The following MGAT5 variants were observed in gnomAD, a reference collection of about 807,000 sequenced individuals.
MGAT5 encodes the protein alpha-1,6-mannosylglycoprotein 6-beta-N-acetylglucosaminyltransferase.
MGAT5 carries 30 observed loss-of-function variants against 94.3 expected under a neutral mutation model. The observed-to-expected ratio is 0.32, with a 90% CI of 0.24 to 0.43. The LOEUF (loss-of-function observed/expected upper bound fraction) is 0.43. Among genes scored for constraint, MGAT5 ranks in the 20% least tolerant of loss-of-function variants. The pLI is 1.00. For missense variants in MGAT5, 691 were observed against 905.5 expected (o/e 0.76, Z 3.04); for synonymous variants, 310 against 322.9 (o/e 0.96, Z 0.43).
rs115935440 is a variant in MGAT5 at position 134,245,263 on chromosome 2, G to A, written c.-142-8999G>A. 6.6e-3 allele frequency among the ~76,000 whole-genome samples: 1,002 copies of A among 152,236 alleles called. 11 individuals carry two copies. The highest frequency in any genetic ancestry group is 0.022 in the African/African-American group (924 of 41,540). On this transcript the variant is annotated intron_variant, in intron 1 of 16. Coordinates refer to the MGAT5 transcript ENST00000409645. ...TCCCAACCTCGTGATCCGCCCCCTC[G>A]GCCTCCCAAAGTGCGGATTACAGGC...
intron 14 of MGAT5, among the ~76,000 whole-genome samples, chr2:134,433,673 G>GT (rs1464871839): frequency 6.6e-6 from 1 of 152,196 alleles, no homozygotes; most frequent in Non-Finnish European, 1.5e-5. Flanking sequence ...CACCTGAGGT[G>GT]TGCTAATCCA....
intron 1 of MGAT5, among the ~76,000 whole-genome samples, chr2:134,236,922 G>A (rs907629355): frequency 2.0e-5 from 3 of 152,296 alleles, no homozygotes; most frequent in African/African-American, 7.2e-5. Flanking sequence ...CAACTCTCTA[G>A]TTGGCCTCTT....
At chr2:134,206,355 A>T (rs917248934) in intron 1 of MGAT5, among the ~76,000 whole-genome samples, 4 of 152,230 alleles carry the variant, frequency 2.6e-5, no homozygotes, top group African/African-American at 9.6e-5. Context: ...CAGGATGCTG[A>T]TGTGAATAGT....
At chr2:134,279,237 G>A (rs990426991) in intron 2 of MGAT5, among the ~76,000 whole-genome samples, 1 of 152,122 alleles carries the variant, frequency 6.6e-6, no homozygotes, top group Non-Finnish European at 1.5e-5. Flanking sequence ...TGCTTTGACA[G>A]GTCCCTGAAT....
chr2:134,238,607 C>G (rs1382339229), intron 1 of MGAT5, among the ~76,000 whole-genome samples: 1 of 152,222 alleles, frequency 6.6e-6, no homozygotes, highest in African/African-American at 2.4e-5. Flanking sequence ...TTGTGCGATG[C>G]TTCCACGCAG....
At position 134,436,703 on chromosome 2, in the gene MGAT5, C is replaced by T. The variant is rs114353373; in HGVS notation, c.1870-5055C>T. On this transcript the variant is annotated intron_variant, in intron 14 of 15. Coordinates refer to ENST00000281923, the MANE Select transcript of MGAT5 (RefSeq NM_002410.5). Reference sequence around the variant, plus strand: ...CCAATGCAGTACCTTGGAAGCTCTACGGGGCACAGGCAGCTCTTCCAAGAA... The same window carrying T: ...CCAATGCAGTACCTTGGAAGCTCTATGGGGCACAGGCAGCTCTTCCAAGAA... Among the ~76,000 whole-genome samples the T allele has an allele frequency of 3.2e-3, 482 of 152,266 alleles. 2 individuals are homozygous for T. Among genetic ancestry groups the T allele is most frequent in the African/African-American group, 0.011 (445 of 41,564 alleles).
chr2:134,269,550 T>C (rs935336127), intron 1 of MGAT5, among the ~76,000 whole-genome samples: 1 of 152,226 alleles, frequency 6.6e-6, no homozygotes, highest in Non-Finnish European at 1.5e-5. Context: ...TCTGTGATTA[T>C]GAATTTTTAG....
chr2:134,222,800 T>A (rs569510378), intron 1 of MGAT5, among the ~76,000 whole-genome samples: 2 of 152,284 alleles, frequency 1.3e-5, no homozygotes, highest in Admixed American at 6.5e-5. Context: ...TAGGAATGGA[T>A]GTGGACAGGC....
chr2:134,178,071 A>G (rs1267366726), intron 1 of MGAT5, among the ~76,000 whole-genome samples: 1 of 151,872 alleles, frequency 6.6e-6, no homozygotes, highest in East Asian at 1.9e-4. Flanking sequence ...AGACAAAACC[A>G]GTTTTGTTTT....
At chr2:134,129,850 CA>C (rs750259173) in intron 1 of MGAT5, among the ~76,000 whole-genome samples, 6 of 152,196 alleles carry the variant, frequency 3.9e-5, no homozygotes, top group Non-Finnish European at 8.8e-5. Context: ...CACCGTTGAG[CA>C]GCCCTTCAGC....
chr2:134,251,307 C>G (rs903868274), upstream of MGAT5, among the ~76,000 whole-genome samples: 3 of 152,118 alleles, frequency 2.0e-5, no homozygotes, highest in African/African-American at 7.2e-5. Flanking sequence ...GTTCACTGTT[C>G]AGTCACCAGG....
At chr2:134,254,783 G>A in intron 1 of MGAT5, 139 bp downstream of exon 1, 1 of 1,215,122 alleles carries the variant, frequency 8.2e-7, no homozygotes, top group East Asian at 2.4e-5. Context: ...CACACAGAGA[G>A]GCATCTTTAG....
At chr2:134,141,631 AG>A (rs1686661060) in intron 1 of MGAT5, among the ~76,000 whole-genome samples, 1 of 152,234 alleles carries the variant, frequency 6.6e-6, no homozygotes, top group African/African-American at 2.4e-5. Flanking sequence ...GCAGGCAGGG[AG>A]GGGGCTTAGT....
intron 2 of MGAT5, among the ~76,000 whole-genome samples, chr2:134,292,555 T>C (rs901658706): frequency 6.6e-6 from 1 of 152,208 alleles, no homozygotes; most frequent in Non-Finnish European, 1.5e-5. Flanking sequence ...TTTTTGAAAT[T>C]AGGAGCTTTG....
At chr2:134,375,027 C>T (rs1681074569) in intron 10 of MGAT5, among the ~76,000 whole-genome samples, 1 of 152,102 alleles carries the variant, frequency 6.6e-6, no homozygotes, top group African/African-American at 2.4e-5. Context: ...TGGAGTTATC[C>T]CTGCTCAGTT....
chr2:134,406,180 C>G (rs1285256831), intron 11 of MGAT5, among the ~76,000 whole-genome samples: 2 of 152,216 alleles, frequency 1.3e-5, no homozygotes, highest in Non-Finnish European at 2.9e-5. Context: ...GTCCACCTCC[C>G]TCAGTCTTCC....
chr2:134,397,071 A>C (rs923819807), intron 10 of MGAT5, among the ~76,000 whole-genome samples: 2 of 152,224 alleles, frequency 1.3e-5, no homozygotes, highest in Non-Finnish European at 2.9e-5. Context: ...AGCAGATGAC[A>C]GAGGGAATAG....
chr2:134,219,830 C>G (rs925783803), intron 1 of MGAT5, among the ~76,000 whole-genome samples: 1 of 152,186 alleles, frequency 6.6e-6, no homozygotes, highest in East Asian at 1.9e-4. Flanking sequence ...AATCTTGTTC[C>G]TGCCTCCTGT....
intron 2 of MGAT5, among the ~76,000 whole-genome samples, chr2:134,287,429 TTTTC>T (rs1217278433): frequency 8.5e-5 from 13 of 152,326 alleles, no homozygotes; most frequent in African/African-American, 2.9e-4. Flanking sequence ...TTGAGTTCAC[TTTTC>T]TTTCTTTGGT....
Sources: allele counts gnomAD v4.1 joint callset (sites outside exome capture counted in the v4.1 genomes callset), GRCh38; gene constraint gnomAD v4.1.1; transcripts MANE v1.5; gene names NCBI Gene and HGNC (gene_info 2026-07-23, HGNC 2026-07-21).